The following RTL4 variants were observed in gnomAD, a reference collection of about 807,000 sequenced individuals.
RTL4 encodes the protein retrotransposon Gag like 4, also known as retrotransposon Gag-like protein 4.
Under a neutral mutation model 5.3 loss-of-function variants are expected in RTL4, and 4 were observed. The ratio of observed to expected loss-of-function variants is 0.75; its 90% CI spans 0.37 to 1.72. The LOEUF (loss-of-function observed/expected upper bound fraction) is 1.72, where lower values mean the gene tolerates loss of function less well. Ranked by LOEUF, RTL4 falls within the 40% of genes most tolerant of loss-of-function variation. The probability of loss-of-function intolerance (pLI) is 0.04; values close to 1 mark genes in which losing one functional copy is unlikely to be tolerated. For missense variants in RTL4, 260 were observed against 227.1 expected (o/e 1.14, Z -0.93); for synonymous variants, 98 against 87.3 (o/e 1.12, Z -0.68).
At chrX:112,289,450 C>A in the RTL4 span, among the ~76,000 whole-genome samples, 9 of 112,089 alleles carry the variant, frequency 8.0e-5, no homozygotes, top group Non-Finnish European at 1.7e-4. Flanking sequence ...ACAATAAAAA[C>A]AATTAGAATA....
the RTL4 span, among the ~76,000 whole-genome samples, chrX:112,233,171 T>A: frequency 2.7e-5 from 3 of 111,789 alleles, no homozygotes; most frequent in African/African-American, 9.7e-5. Context: ...ACCATACACC[T>A]ACCAACAGAG....
the RTL4 span, among the ~76,000 whole-genome samples, chrX:112,338,417 A>C: frequency 2.3e-3 from 256 of 112,183 alleles, no homozygotes; most frequent in African/African-American, 7.5e-3. Flanking sequence ...ACTCTAAATA[A>C]AATTTTTCTC....
the RTL4 span, among the ~76,000 whole-genome samples, chrX:112,426,124 T>A: frequency 3.6e-5 from 4 of 111,559 alleles, no homozygotes; most frequent in African/African-American, 1.3e-4. Flanking sequence ...AAGGTCTGTG[T>A]TTAGATTCAT....
At chrX:112,209,408 T>C in the RTL4 span, among the ~76,000 whole-genome samples, 1 of 112,211 alleles carries the variant, frequency 8.9e-6, no homozygotes, top group South Asian at 3.7e-4. Flanking sequence ...TGGGAAGATT[T>C]CCCTACACCG....
At chrX:112,282,039 T>A in the RTL4 span, among the ~76,000 whole-genome samples, 1 of 112,358 alleles carries the variant, frequency 8.9e-6, no homozygotes, top group Non-Finnish European at 1.9e-5. Context: ...GCTTTTGTGG[T>A]CATATCCAAA....
At chrX:112,155,241 A>T in the RTL4 span, among the ~76,000 whole-genome samples, 1 of 110,457 alleles carries the variant, frequency 9.1e-6, no homozygotes, top group African/African-American at 3.3e-5. Flanking sequence ...AACTAGGAAA[A>T]TGTTGAAGCT....
the RTL4 span, among the ~76,000 whole-genome samples, chrX:112,259,440 C>T: frequency 4.5e-5 from 5 of 110,628 alleles, no homozygotes; most frequent in African/African-American, 1.6e-4. Context: ...TGATAATAAT[C>T]GTTGCTAGCT....
At chrX:112,254,258 C>T in the RTL4 span, among the ~76,000 whole-genome samples, 1 of 111,228 alleles carries the variant, frequency 9.0e-6, no homozygotes, top group African/African-American at 3.3e-5. Flanking sequence ...AAAGACAACT[C>T]CTTATTGCAG....
the RTL4 span, among the ~76,000 whole-genome samples, chrX:112,394,471 G>T: frequency 9.0e-6 from 1 of 111,066 alleles, no homozygotes; most frequent in Admixed American, 9.6e-5. Flanking sequence ...GGTATGATTT[G>T]TAAGACTATT....
the RTL4 span, among the ~76,000 whole-genome samples, chrX:112,352,348 AC>A: frequency 9.0e-6 from 1 of 110,561 alleles, no homozygotes; most frequent in South Asian, 3.8e-4. Context: ...TTCATATGGA[AC>A]CAAAAAAGAG....
the RTL4 span, among the ~76,000 whole-genome samples, chrX:112,402,609 G>A: frequency 9.0e-6 from 1 of 111,080 alleles, no homozygotes; most frequent in African/African-American, 3.3e-5. Context: ...TTGATGGCAG[G>A]AGCTGTGCTT....
chrX:112,260,309 A>T, the RTL4 span, among the ~76,000 whole-genome samples: 1 of 111,515 alleles, frequency 9.0e-6, no homozygotes, highest in Non-Finnish European at 1.9e-5. Context: ...GGTTTTGAGC[A>T]TGCCTCACTG....
chrX:112,366,349 T>C, the RTL4 span, among the ~76,000 whole-genome samples: 1 of 111,753 alleles, frequency 8.9e-6, no homozygotes, highest in South Asian at 3.8e-4. Context: ...ATCATCATTA[T>C]GTACAAGCCT....
the RTL4 span, among the ~76,000 whole-genome samples, chrX:112,296,954 T>C: frequency 2.7e-5 from 3 of 110,245 alleles, no homozygotes; most frequent in Non-Finnish European, 5.7e-5. Flanking sequence ...TCTTGGCCTT[T>C]TCTCTCCCTA....
At chrX:112,326,506 G>A in the RTL4 span, among the ~76,000 whole-genome samples, 1 of 111,852 alleles carries the variant, frequency 8.9e-6, no homozygotes, top group Non-Finnish European at 1.9e-5. Context: ...AGGGTCCTAC[G>A]CCCACGGAGT....
chrX:112,134,591 ATAATC>A, the RTL4 span, among the ~76,000 whole-genome samples: 1 of 111,919 alleles, frequency 8.9e-6, no homozygotes, highest in African/African-American at 3.2e-5. Context: ...TATCAACTGT[ATAATC>A]TAAACTGTAC....
At chrX:112,202,300 A>G in the RTL4 span, among the ~76,000 whole-genome samples, 1 of 111,095 alleles carries the variant, frequency 9.0e-6, no homozygotes, top group Middle Eastern at 4.2e-3. Flanking sequence ...GCTTCTTTCA[A>G]TAGCTCACTC....
At chrX:112,437,056 G>T in the RTL4 span, among the ~76,000 whole-genome samples, 2 of 111,983 alleles carry the variant, frequency 1.8e-5, no homozygotes, top group African/African-American at 6.5e-5. Flanking sequence ...GAACACATTT[G>T]CAGAAAAGCC....
At chrX:112,444,629 T>G in the RTL4 span, among the ~76,000 whole-genome samples, 3 of 111,934 alleles carry the variant, frequency 2.7e-5, no homozygotes, top group South Asian at 7.4e-4. Flanking sequence ...TGGTTTAAAT[T>G]CAGCAGTAAA....
Sources: gnomAD v4.1 joint callset for allele counts (sites outside exome capture counted in the v4.1 genomes callset) on GRCh38, gnomAD v4.1.1 for gene constraint, MANE v1.5 for transcripts, NCBI Gene and HGNC (gene_info 2026-07-23, HGNC 2026-07-21) for gene names.